The following NAE1 variants were observed in gnomAD, a reference collection of about 807,000 sequenced individuals.
NAE1 encodes NEDD8-activating enzyme E1 regulatory subunit.
NAE1 carries 59 observed loss-of-function variants against 88.0 expected under a neutral mutation model. The ratio of observed to expected loss-of-function variants is 0.67; its 90% CI spans 0.54 to 0.83. The LOEUF (loss-of-function observed/expected upper bound fraction) is 0.83. NAE1 is among the 40% of genes least tolerant of loss of function. NAE1 has a pLI of 0.00. For synonymous variants in NAE1, 186 were observed against 208.9 expected (o/e 0.89, Z 0.95); for missense variants, 554 against 632.8 (o/e 0.88, Z 1.34).
In NAE1 at chr16:66,817,044, A is replaced by T. The variant is rs1311815360; in HGVS notation, c.685-16T>A. 6.3e-6 allele frequency: 10 copies of T among 1,580,604 alleles called. No homozygotes were observed. Among genetic ancestry groups the T allele is most frequent in the East Asian group, 2.3e-5 (1 of 44,290 alleles). ...GTCCATTTGTCTAAATTGGTTAAAA[A>T]TTTTAAAAATCTAGTTATTAAAATT... On this transcript the variant is annotated splice_polypyrimidine_tract_variant and intron_variant, in intron 9 of 19. Coordinates refer to ENST00000290810, the MANE Select transcript of NAE1 (RefSeq NM_003905.4).
At chr16:66,822,796 A>G (rs1443740120) in intron 6 of NAE1, among the ~76,000 whole-genome samples, 22 of 149,808 alleles carry the variant, frequency 1.5e-4, no homozygotes, top group Non-Finnish European at 7.4e-5. Context: ...CAGCTTCCCG[A>G]GTAGCTGGGA....
At chr16:66,813,723 T>C (rs1243704046) in intron 12 of NAE1, 26 bp from the exon 13 acceptor site, 8 of 1,610,680 alleles carry the variant, frequency 5.0e-6, no homozygotes, top group Non-Finnish European at 5.9e-6. Context: ...AAAATTAACA[T>C]TAAGTGGCGT....
chr16:66,812,422 GA>G (rs1160322354), intron 13 of NAE1, among the ~76,000 whole-genome samples: 3 of 149,688 alleles, frequency 2.0e-5, no homozygotes, highest in African/African-American at 7.4e-5. Flanking sequence ...CATGAAGTAT[GA>G]AAAAAAACTC....
intron 15 of NAE1, among the ~76,000 whole-genome samples, chr16:66,809,963 A>G (rs1409699692): frequency 6.6e-6 from 1 of 152,212 alleles, no homozygotes; most frequent in African/African-American, 2.4e-5. Flanking sequence ...CAAAATTCTT[A>G]ACTCCATTAC....
intron 3 of NAE1, among the ~76,000 whole-genome samples, chr16:66,825,902 G>A (rs1315896030): frequency 6.6e-6 from 1 of 152,134 alleles, no homozygotes; most frequent in Non-Finnish European, 1.5e-5. Flanking sequence ...TAAAAAAGCT[G>A]TGCTGTGCCT....
chr16:66,823,647 ACAATATAATCCCC>A, intron 4 of NAE1, 47 bp from the exon 5 acceptor site: 4 of 1,490,280 alleles, frequency 2.7e-6, no homozygotes, highest in Non-Finnish European at 3.7e-6. Context: ...AAACTTGGTC[ACAATATAATCCCC>A]CAATTTATGG....
rs1051335105 is a variant in NAE1 at position 66,813,828 on chromosome 16, C to A, written c.859G>T (p.Asp287Tyr). Reference sequence around the variant, plus strand: ...ATGCAGCGATCATCATTAAATATATCTTCAATACTGCTTGGGATCTAACAA... The same window carrying A: ...ATGCAGCGATCATCATTAAATATATATTCAATACTGCTTGGGATCTAACAA... ...NTTQIPSSIE[D>Y]IFNDDRCINI... Residue 287 changes from aspartate to tyrosine, a missense_variant, in exon 12 of 20, where the codon GAT becomes TAT. Transcript: ENST00000290810. 6 of 1,613,426 alleles carry A rather than the reference C, an allele frequency of 3.7e-6. No individual in the cohort carries two copies. The highest frequency in any genetic ancestry group is 4.2e-6 in the Non-Finnish European group (5 of 1,179,652).
chr16:66,805,648 A>G (rs951759000), intron 19 of NAE1, 129 bp downstream of exon 19: 58 of 837,788 alleles, frequency 6.9e-5, no homozygotes, highest in Non-Finnish European at 8.4e-5. Context: ...AAAAAAAAAA[A>G]AAAGAAAGAA....
intron 19 of NAE1, among the ~76,000 whole-genome samples, chr16:66,803,830 T>G (rs1417760310): frequency 6.6e-6 from 1 of 152,080 alleles, no homozygotes; most frequent in Non-Finnish European, 1.5e-5. Context: ...TGACCTCAAG[T>G]GATCCGCCCA....
rs951264509 is a variant in NAE1, at chr16:66,808,789, C to T, written c.1238-176G>A. 4.8e-6 allele frequency: 3 copies of T among 620,740 alleles called. No homozygotes were observed. The African/African-American group carries it at 5.7e-5, about 12-fold the overall frequency. 38.5% of individuals were successfully genotyped at this position (620,740 alleles called of 1,614,324 possible). A position where few individuals can be genotyped will look rare whatever the true frequency, so the allele number is the denominator to read the frequency against. ...ACATATCACACAATGGACTCAGTGA[C>T]CTAAATATGACTTTATGCATACATT... On this transcript the variant is annotated intron_variant, in intron 16 of 19. Transcript: ENST00000290810.
chr16:66,826,971 T>C (rs760191778), intron 1 of NAE1, among the ~76,000 whole-genome samples, 191 bp from the exon 2 acceptor site: 3 of 152,120 alleles, frequency 2.0e-5, no homozygotes, highest in South Asian at 2.1e-4. Flanking sequence ...CTTGAATGGT[T>C]AGGGGAAAAG....
intron 3 of NAE1, 62 bp from the exon 4 acceptor site, chr16:66,824,947 TTG>T (rs1325749384): frequency 8.4e-6 from 12 of 1,428,784 alleles, no homozygotes; most frequent in Non-Finnish European, 1.2e-5. Context: ...GAAAAGTTGT[TTG>T]TAATAGCATG....
At chr16:66,820,367 C>CA (rs1475629305) in intron 7 of NAE1, among the ~76,000 whole-genome samples, 4 of 152,228 alleles carry the variant, frequency 2.6e-5, no homozygotes, top group Non-Finnish European at 5.9e-5. Flanking sequence ...TGGTCTCTTA[C>CA]AACAGTTTCC....
At chr16:66,830,238 G>A (rs1960640003) in intron 1 of NAE1, among the ~76,000 whole-genome samples, 1 of 151,552 alleles carries the variant, frequency 6.6e-6, no homozygotes, top group South Asian at 2.1e-4. Flanking sequence ...GGGGAAAGGT[G>A]GCAAAAACCT....
chr16:66,817,078 AGAAATT>A, intron 9 of NAE1, 50 bp from the exon 10 acceptor site: 3 of 1,551,776 alleles, frequency 1.9e-6, no homozygotes, highest in Non-Finnish European at 2.6e-6. Context: ...TTCAAAATAC[AGAAATT>A]GAAAGTCTAA....
intron 7 of NAE1, 48 bp from the exon 8 acceptor site, chr16:66,818,685 AAAAG>A (rs769033767): frequency 7.1e-6 from 11 of 1,550,442 alleles, no homozygotes; most frequent in South Asian, 3.6e-5. Flanking sequence ...TTAAAAAAAA[AAAAG>A]AGAGAGATGG....
chr16:66,813,921 T>G, intron 11 of NAE1, 75 bp from the exon 12 acceptor site: 1 of 1,327,758 alleles, frequency 7.5e-7, no homozygotes, highest in South Asian at 1.3e-5. Flanking sequence ...TGCTATTTCT[T>G]CAGATATGTT....
chr16:66,823,548 G>A lies in NAE1; in HGVS notation c.302C>T (p.Ser101Phe), dbSNP rs363212. ...EFLQELNSDV[S>F]GSFVEESPEN... is the part of the protein sequence containing the mutation. ...ATATACCTCTTCCACAAAACTTCCA[G>A]AGACATCGCTATTTAATTCTTGTAA... is the stretch of plus-strand genomic sequence containing the variant. Residue 101 changes from serine (S) to phenylalanine (F), a missense_variant, in exon 5 of 20, where the codon TCT (serine) becomes TTT (phenylalanine). By Grantham distance (155) the Ser-to-Phe change is radical. Transcript: ENST00000290810. 1,508 of 1,611,838 alleles carry A rather than the reference G, an allele frequency of 9.4e-4. 20 individuals are homozygous for A. The African/African-American group carries it at 0.018, about 19-fold the overall frequency.
intron 8 of NAE1, among the ~76,000 whole-genome samples, chr16:66,818,320 A>G (rs1204091136): frequency 2.0e-5 from 3 of 152,122 alleles, no homozygotes; most frequent in Non-Finnish European, 4.4e-5. Context: ...GATGTTCAGT[A>G]TATGTACTTT....
Sources: allele counts gnomAD v4.1 joint callset (sites outside exome capture counted in the v4.1 genomes callset), GRCh38; gene constraint gnomAD v4.1.1; transcripts MANE v1.5; gene names NCBI Gene and HGNC (gene_info 2026-07-23, HGNC 2026-07-21).